Variants in GAK observed in about 807,000 individuals in gnomAD.
GAK encodes the protein cyclin G associated kinase.
A neutral mutation model predicts 143.9 loss-of-function variants in GAK; 79 were observed. The observed-to-expected ratio is 0.55, with a 90% CI of 0.46 to 0.66. The LOEUF (loss-of-function observed/expected upper bound fraction) is 0.66. Ranked by LOEUF, GAK falls within the 30% of genes least tolerant of loss-of-function variation. The pLI is 0.00. For missense variants in GAK, 1,693 were observed against 1,779.7 expected, an observed-to-expected ratio of 0.95 and a Z score of 0.88; for synonymous variants, 881 against 765.5, an observed-to-expected ratio of 1.15 and a Z score of -2.49.
At chr4:881,490 C>T (rs1225175301) in intron 15 of GAK, among the ~76,000 whole-genome samples, 3 of 152,116 alleles carry the variant, frequency 2.0e-5, no homozygotes, top group South Asian at 2.1e-4. Context: ...TGAGGTGGAG[C>T]GGCACAGAAG....
At chr4:928,654 T>C (rs1026328579) in intron 1 of GAK, among the ~76,000 whole-genome samples, 4 of 152,074 alleles carry the variant, frequency 2.6e-5, no homozygotes, top group African/African-American at 7.2e-5. Context: ...CCTGGGAGGG[T>C]TTCTGAAACT....
intron 9 of GAK, 145 bp from the exon 10 acceptor site, chr4:890,767 C>G: frequency 1.6e-6 from 1 of 628,052 alleles, no homozygotes. Flanking sequence ...GAACTTCCCA[C>G]AGGCTGAAGC....
chr4:878,075 A>C (rs1377078003), intron 15 of GAK, among the ~76,000 whole-genome samples: 2 of 151,980 alleles, frequency 1.3e-5, no homozygotes, highest in Non-Finnish European at 2.9e-5. Context: ...TCCCACTTTT[A>C]CTCATGGGTT....
intron 24 of GAK, chr4:852,239 A>C (rs1577025211): frequency 1.8e-6 from 1 of 546,088 alleles, no homozygotes; most frequent in Non-Finnish European, 3.3e-6. Context: ...GCAGCACCCC[A>C]CCCCCAGGAG....
chr4:865,086 T>TC (rs3214922), intron 23 of GAK, 36 bp downstream of exon 23: 1,062,080 of 1,593,376 alleles, frequency 0.67, 357,830 homozygotes, highest in South Asian at 0.83. Flanking sequence ...CAGCTGCACG[T>TC]CTGGGAGCCC....
intron 26 of GAK, 137 bp from the exon 27 acceptor site, chr4:850,205 C>T (rs1396177021): frequency 1.3e-6 from 1 of 777,220 alleles, no homozygotes; most frequent in East Asian, 2.7e-5. Flanking sequence ...GACACTGTCC[C>T]ACTGCACGCC....
At chr4:893,083 T>C (rs942405900) in intron 9 of GAK, among the ~76,000 whole-genome samples, 10 of 152,068 alleles carry the variant, frequency 6.6e-5, no homozygotes, top group Non-Finnish European at 1.5e-4. Flanking sequence ...GGCTCACATG[T>C]GCCTCCCTCC....
chr4:870,705 T>C lies in GAK; in HGVS notation c.2248+6A>G. 1 of 1,613,032 alleles carries C rather than the reference T, an allele frequency of 6.2e-7. No individual in the cohort carries two copies. Among genetic ancestry groups the C allele is most frequent in the Non-Finnish European group, 8.5e-7 (1 of 1,179,660 alleles). On this transcript the variant is annotated splice_donor_region_variant and intron_variant, in intron 19 of 27. Transcript: ENST00000314167. Reference sequence around the variant, plus strand: ...GGGTTCACCTAATTCACCTGCGGGATCTTACCAAACTTAGACAGAATGTCT... The same window carrying C: ...GGGTTCACCTAATTCACCTGCGGGACCTTACCAAACTTAGACAGAATGTCT...
Position 911,717 on chromosome 4 carries a change from T to C in GAK, c.338A>G (p.Asp113Gly). 1.9e-6 allele frequency: 3 copies of C among 1,614,050 alleles called. No homozygotes were observed. Among genetic ancestry groups the C allele is most frequent in the Non-Finnish European group, 2.5e-6 (3 of 1,179,928 alleles). Residue 113 changes from aspartate (D) to glycine (G), a missense_variant, in exon 4 of 28, where the codon GAC becomes GGC. Asp to Gly is a moderately conservative substitution (Grantham distance 94, BLOSUM62 -1). Coordinates refer to ENST00000314167, the MANE Select transcript of GAK (RefSeq NM_005255.4). The stretch of plus-strand genomic sequence containing the variant: ...CAAGAGGAACTCAGCCTGCCCCGTG[T>C]CTGACTCCTCTTTTCCTATAGACGC... ...SAASIGKEES[D>G]TGQAEFLLLT... is the part of the protein sequence containing the mutation.
At chr4:892,451 A>AGGT (rs1717859056) in intron 9 of GAK, among the ~76,000 whole-genome samples, 1 of 152,136 alleles carries the variant, frequency 6.6e-6, no homozygotes, top group Non-Finnish European at 1.5e-5. Flanking sequence ...CTGGTGATGG[A>AGGT]GATGCTGCAC....
intron 10 of GAK, 74 bp downstream of exon 10, chr4:890,458 T>A: frequency 8.6e-7 from 1 of 1,164,826 alleles, no homozygotes; most frequent in Non-Finnish European, 1.2e-6. Context: ...CCAGACTCCA[T>A]CCCAATGTGC....
chr4:860,844 C>T (rs1361802315), intron 23 of GAK, among the ~76,000 whole-genome samples: 2 of 152,226 alleles, frequency 1.3e-5, no homozygotes, highest in Non-Finnish European at 2.9e-5. Context: ...ACTGTGCCTC[C>T]CGGAGCTCTG....
chr4:889,976 C>T (rs1269218469), intron 10 of GAK, among the ~76,000 whole-genome samples: 1 of 152,198 alleles, frequency 6.6e-6, no homozygotes, highest in South Asian at 2.1e-4. Flanking sequence ...CTTCCCCCAC[C>T]GCCCTCCACT....
intron 18 of GAK, among the ~76,000 whole-genome samples, chr4:874,696 C>T (rs889851996): frequency 2.0e-5 from 3 of 151,738 alleles, no homozygotes; most frequent in Non-Finnish European, 2.9e-5. Context: ...TCCTCTTTGG[C>T]GTCTGCAGAG....
chr4:889,013 C>T (rs1717119496), intron 10 of GAK, 43 bp from the exon 11 acceptor site: 2 of 1,584,382 alleles, frequency 1.3e-6, no homozygotes, highest in Admixed American at 1.8e-5. Context: ...GTGCTCGGTC[C>T]CACCTCCCCA....
intron 11 of GAK, chr4:887,352 C>T (rs1016859248): frequency 4.6e-5 from 7 of 151,478 alleles, no homozygotes; most frequent in African/African-American, 9.7e-5. Flanking sequence ...GGCACTCCTA[C>T]GCATGCATAC....
chr4:925,310 T>C (rs915922617), intron 1 of GAK, among the ~76,000 whole-genome samples: 51 of 152,134 alleles, frequency 3.4e-4, no homozygotes, highest in African/African-American at 1.0e-3. Context: ...CTGGGCAACC[T>C]TCCCCCACAC....
At chr4:878,574 C>T (rs1262428942) in intron 15 of GAK, among the ~76,000 whole-genome samples, 5 of 152,160 alleles carry the variant, frequency 3.3e-5, no homozygotes, top group South Asian at 2.1e-4. Context: ...TTGGCACATT[C>T]GGTTCTTCTA....
Position 868,698 on chromosome 4 carries a change from G to A in GAK, c.2249-13C>T, listed in dbSNP as rs775309511. 2 of 1,546,998 alleles carry A rather than the reference G, an allele frequency of 1.3e-6. No individual in the cohort carries two copies. The highest frequency in any genetic ancestry group is 1.2e-5 in the South Asian group (1 of 84,018). ...AGCTCCGGCTTCCCTGCAGGAGAGG[G>A]AGGGCGTCAGGGCACTGGCACTGGC... On this transcript the variant is annotated splice_polypyrimidine_tract_variant and intron_variant, in intron 19 of 27. Transcript: ENST00000314167.
Sources: gnomAD v4.1 joint callset for allele counts (sites outside exome capture counted in the v4.1 genomes callset) on GRCh38, gnomAD v4.1.1 for gene constraint, MANE v1.5 for transcripts, NCBI Gene and HGNC (gene_info 2026-07-23, HGNC 2026-07-21) for gene names.